The following GRM3 variants were observed in gnomAD, a reference collection of about 807,000 sequenced individuals.
GRM3 encodes glutamate metabotropic receptor 3.
In GRM3, 26 loss-of-function variants were observed where a neutral mutation model predicts 70.5. The ratio of observed to expected loss-of-function variants is 0.37; its 90% CI spans 0.27 to 0.51. The LOEUF (loss-of-function observed/expected upper bound fraction) is 0.51. Among genes scored for constraint, GRM3 ranks in the 20% least tolerant of loss-of-function variants. The pLI is 0.93. For synonymous variants in GRM3, 443 were observed against 434.9 expected (o/e 1.02, Z -0.23); for missense variants, 859 against 1,123.8 (o/e 0.76, Z 3.37).
intron 1 of GRM3, among the ~76,000 whole-genome samples, chr7:86,743,117 T>G (rs1796025117): frequency 6.6e-6 from 1 of 152,198 alleles, no homozygotes; most frequent in Non-Finnish European, 1.5e-5. Flanking sequence ...TTATATTACA[T>G]GATCGTATCT....
At chr7:86,709,307 C>T (rs1206736548) in intron 1 of GRM3, among the ~76,000 whole-genome samples, 2 of 152,036 alleles carry the variant, frequency 1.3e-5, no homozygotes, top group Non-Finnish European at 2.9e-5. Flanking sequence ...TGCTCCATGG[C>T]TCTCCCCAGA....
chr7:86,723,305 G>A (rs1795517286), intron 1 of GRM3, among the ~76,000 whole-genome samples: 1 of 151,944 alleles, frequency 6.6e-6, no homozygotes, highest in Non-Finnish European at 1.5e-5. Context: ...TGTGAGAAAA[G>A]GTAACAGAAA....
chr7:86,760,748 A>G lies in GRM3; in HGVS notation c.-140-4258A>G, dbSNP rs114698855. Among the ~76,000 whole-genome samples the G allele has an allele frequency of 9.9e-3, 1,511 of 152,260 alleles. 20 individuals are homozygous for G. Among genetic ancestry groups the G allele is most frequent in the African/African-American group, 0.034 (1,416 of 41,558 alleles). Reference sequence around the variant, plus strand: ...AGTATTAATCATTATAAGTTCTGCTATAAAGAAAAAGTAAATAAAAATACA... The same window carrying G: ...AGTATTAATCATTATAAGTTCTGCTGTAAAGAAAAAGTAAATAAAAATACA... On this transcript the variant is annotated intron_variant, in intron 1 of 5. Transcript: ENST00000361669.
intron 4 of GRM3, among the ~76,000 whole-genome samples, chr7:86,841,806 A>G (rs1205149904): frequency 6.6e-6 from 1 of 152,212 alleles, no homozygotes; most frequent in African/African-American, 2.4e-5. Context: ...TTTACATGAT[A>G]GCAATAGAGT....
chr7:86,689,373 T>C (rs1215149139), intron 1 of GRM3, among the ~76,000 whole-genome samples: 1 of 152,002 alleles, frequency 6.6e-6, no homozygotes, highest in Non-Finnish European at 1.5e-5. Flanking sequence ...TTCAGACAAA[T>C]GTTATCCTAT....
chr7:86,749,670 T>C (rs1796185161), intron 1 of GRM3, among the ~76,000 whole-genome samples: 1 of 151,986 alleles, frequency 6.6e-6, no homozygotes, highest in Non-Finnish European at 1.5e-5. Context: ...ATGTATAGAC[T>C]TCAGAAAAAA....
chr7:86,785,685 ATTTTTTTTTTTTTTTT>A (rs749456155), intron 2 of GRM3, among the ~76,000 whole-genome samples: 6 of 65,234 alleles, frequency 9.2e-5, no homozygotes, highest in East Asian at 6.5e-4. Flanking sequence ...AATAGAATTG[ATTTTTTTTTTTTTTTT>A]TTTTTTTTTT....
rs568721757 is a variant in GRM3, at chr7:86,810,218, C to T, written c.1324+23102C>T. On this transcript the variant is annotated intron_variant, in intron 3 of 5. Coordinates refer to ENST00000361669, the MANE Select transcript of GRM3 (RefSeq NM_000840.3). ...TGGTTTACTCAATCTCATTCTTTGT[C>T]AAAAGGTCAAGAAAATAGAAACTTT... is the stretch of plus-strand genomic sequence containing the variant. Among the ~76,000 whole-genome samples, 6 of 151,928 alleles carry T rather than the reference C, an allele frequency of 3.9e-5. No homozygotes were observed. In the South Asian group the frequency reaches 1.2e-3, roughly 32 times the overall value.
chr7:86,725,981 AC>A (rs1282088976), intron 1 of GRM3, among the ~76,000 whole-genome samples: 1 of 152,070 alleles, frequency 6.6e-6, no homozygotes, highest in African/African-American at 2.4e-5. Flanking sequence ...CAAAGGCCCC[AC>A]CTCCAAATAT....
Position 86,647,067 on chromosome 7 carries a change from T to C in GRM3, c.-141+2195T>C, listed in dbSNP as rs557445048. ...CTTTATGTTTAAGTTGAAATTAATA[T>C]TTGTATTGAATAAAAGAATGGGGAT... On this transcript the variant is annotated intron_variant, in intron 1 of 5. Transcript: ENST00000361669. Among the ~76,000 whole-genome samples, 35 of 152,326 alleles carry C rather than the reference T, an allele frequency of 2.3e-4. 1 individual carries two copies. The South Asian group carries it at 6.8e-3, about 30-fold the overall frequency.
chr7:86,841,688 CAG>C (rs1226186819), intron 4 of GRM3, among the ~76,000 whole-genome samples: 19 of 152,044 alleles, frequency 1.2e-4, no homozygotes, highest in Admixed American at 7.2e-4. Context: ...AAAAAAATGA[CAG>C]AGCAGAAAAT....
chr7:86,828,274 C>T (rs543562336), intron 3 of GRM3, among the ~76,000 whole-genome samples: 85 of 151,972 alleles, frequency 5.6e-4, no homozygotes, highest in African/African-American at 2.0e-3. Flanking sequence ...AACGAGATAC[C>T]GGTACATTTT....
intron 2 of GRM3, among the ~76,000 whole-genome samples, chr7:86,766,245 G>A (rs1208166175): frequency 2.0e-5 from 3 of 151,934 alleles, no homozygotes; most frequent in Non-Finnish European, 4.4e-5. Context: ...ACACAGGAAG[G>A]CATAATGTCA....
At chr7:86,770,172 T>G (rs1460216028) in intron 2 of GRM3, among the ~76,000 whole-genome samples, 2 of 152,182 alleles carry the variant, frequency 1.3e-5, no homozygotes, top group Non-Finnish European at 2.9e-5. Flanking sequence ...CAGTTTTTCT[T>G]GCCTAGATGG....
At chr7:86,864,108 T>C (rs558898912) in intron 5 of GRM3, among the ~76,000 whole-genome samples, 174 bp from the exon 6 acceptor site, 1 of 152,240 alleles carries the variant, frequency 6.6e-6, no homozygotes, top group East Asian at 1.9e-4. Flanking sequence ...GTGTGAGATT[T>C]TGGTGCACCC....
At chr7:86,850,859 A>G (rs1798743026) in intron 5 of GRM3, among the ~76,000 whole-genome samples, 1 of 152,108 alleles carries the variant, frequency 6.6e-6, no homozygotes, top group African/African-American at 2.4e-5. Context: ...TCTGCACTCA[A>G]TTTAATAGAT....
chr7:86,779,975 A>T (rs1214313017), intron 2 of GRM3, among the ~76,000 whole-genome samples: 1 of 151,820 alleles, frequency 6.6e-6, no homozygotes, highest in African/African-American at 2.4e-5. Context: ...CACAAATACT[A>T]ATTTTTTTTG....
rs116080118 is a variant in GRM3, at chr7:86,803,098, T to C, written c.1324+15982T>C. Among the ~76,000 whole-genome samples, 425 of 152,294 alleles carry C rather than the reference T, an allele frequency of 2.8e-3. 4 individuals are homozygous for C. Among genetic ancestry groups the C allele is most frequent in the African/African-American group, 9.8e-3 (409 of 41,562 alleles). On this transcript the variant is annotated intron_variant, in intron 3 of 5. Transcript: ENST00000361669. ...ACCTTCAACCATGATTTCTCAATTG[T>C]AATAAAAGTAGAAAACAAAGAGAAT... is the stretch of plus-strand genomic sequence containing the variant.
At chr7:86,822,977 C>T (rs989898012) in intron 3 of GRM3, among the ~76,000 whole-genome samples, 13 of 152,028 alleles carry the variant, frequency 8.6e-5, no homozygotes, top group Admixed American at 2.6e-4. Context: ...GAAATTTCAG[C>T]TAACATCACT....
Sources: allele counts gnomAD v4.1 joint callset (sites outside exome capture counted in the v4.1 genomes callset), GRCh38; gene constraint gnomAD v4.1.1; transcripts MANE v1.5; gene names NCBI Gene and HGNC (gene_info 2026-07-23, HGNC 2026-07-21).